The following PAXBP1 variants were observed in gnomAD, a reference collection of about 807,000 sequenced individuals.
The protein encoded by PAXBP1 is PAX3 and PAX7 binding protein 1.
PAXBP1 carries 44 observed loss-of-function variants against 119.9 expected under a neutral mutation model. The ratio of observed to expected loss-of-function variants is 0.37; its 90% CI spans 0.29 to 0.47. The LOEUF (loss-of-function observed/expected upper bound fraction) is 0.47. Ranked by LOEUF, PAXBP1 falls within the 20% of genes least tolerant of loss-of-function variation. PAXBP1 has a pLI of 0.99. For missense variants in PAXBP1, 898 were observed against 1,134.1 expected, an observed-to-expected ratio of 0.79 and a Z score of 2.99; for synonymous variants, 393 against 406.6, an observed-to-expected ratio of 0.97 and a Z score of 0.40.
chr21:32,771,407 C>A lies in PAXBP1; in HGVS notation c.262G>T (p.Gly88Trp). 6.5e-7 allele frequency: 1 copy of A among 1,549,600 alleles called. No individual in the cohort carries two copies. The highest frequency in any genetic ancestry group is 8.6e-7 in the Non-Finnish European group (1 of 1,157,552). ...GFPGGAEPGN[G>W]LKPRKRPREN... is the part of the protein sequence containing the mutation. ...CGAGGCCTCTTGCGCGGCTTCAGCCCGTTGCCGGGCTCCGCGCCGCCGGGG... is the reference window on the plus strand; with the variant it reads ...CGAGGCCTCTTGCGCGGCTTCAGCCAGTTGCCGGGCTCCGCGCCGCCGGGG... Residue 88 changes from glycine (G) to tryptophan (W), a missense_variant, in exon 1 of 18, where the codon GGG becomes TGG. Transcript: ENST00000331923.
chr21:32,742,330 G>A lies in PAXBP1; in HGVS notation c.2334+918C>T, dbSNP rs187374960. The A allele has an allele frequency of 2.6e-5, 4 of 151,900 alleles. No individual in the cohort carries two copies. The East Asian group carries it at 7.7e-4, about 29-fold the overall frequency. 9.4% of individuals were successfully genotyped at this position (151,900 alleles called of 1,614,324 possible). A position where few individuals can be genotyped will look rare whatever the true frequency, so the allele number is the denominator to read the frequency against. On this transcript the variant is annotated intron_variant, in intron 15 of 17. Transcript: ENST00000331923. ...CCAAAGTATTTCAAATGACCTACAA[G>A]ATCCTCTATCATCTGGACTATGGAC...
Position 32,759,158 on chromosome 21 carries a change from C to T in PAXBP1, c.1305G>A (p.Gly435=). The change falls in exon 7 of 18, where the codon GGG becomes GGA. Residue 435 remains glycine, a synonymous_variant. Coordinates refer to ENST00000331923, the MANE Select transcript of PAXBP1 (RefSeq NM_016631.4). ...RAIERLEGSS[G]GIGERYKFLQ... Reference sequence around the variant, plus strand: ...AAAATTTATACCGTTCACCAATACCCCCAGAAGACCCTTCTAATCTTTCAA... The same window carrying T: ...AAAATTTATACCGTTCACCAATACCTCCAGAAGACCCTTCTAATCTTTCAA... 5 of 1,614,080 alleles carry T rather than the reference C, an allele frequency of 3.1e-6. No individual in the cohort carries two copies. Among genetic ancestry groups the T allele is most frequent in the Non-Finnish European group, 4.2e-6 (5 of 1,179,946 alleles).
intron 8 of PAXBP1, 155 bp downstream of exon 8, chr21:32,755,075 G>A: frequency 1.2e-6 from 1 of 823,904 alleles, no homozygotes; most frequent in Non-Finnish European, 1.8e-6. Context: ...TCAAGTACAT[G>A]CTGTTACCAT....
chr21:32,761,517 CA>C (rs1471829965), intron 4 of PAXBP1, among the ~76,000 whole-genome samples: 1 of 152,188 alleles, frequency 6.6e-6, no homozygotes, highest in Non-Finnish European at 1.5e-5. Context: ...AATAAATGTT[CA>C]ATGAACATGA....
At chr21:32,741,321 T>C (rs2043780462) in intron 15 of PAXBP1, 1 of 427,324 alleles carries the variant, frequency 2.3e-6, no homozygotes, top group Non-Finnish European at 4.2e-6. Context: ...TCGCTGAAAA[T>C]TACTGACAAG....
At chr21:32,759,732 ACAGAAAGCTAG>A in intron 6 of PAXBP1, 34 bp downstream of exon 6, 1 of 1,506,456 alleles carries the variant, frequency 6.6e-7, no homozygotes, top group Non-Finnish European at 9.2e-7. Flanking sequence ...GCCTGAGGGA[ACAGAAAGCTAG>A]CGGACAGGTC....
At chr21:32,751,925 A>C (rs562224046) in intron 8 of PAXBP1, 5 of 152,316 alleles carry the variant, frequency 3.3e-5, no homozygotes, top group Admixed American at 2.0e-4. Context: ...TCATATTTTT[A>C]GTTTTCAAGA....
chr21:32,763,520 G>C (rs1477563904), intron 3 of PAXBP1, among the ~76,000 whole-genome samples: 1 of 152,174 alleles, frequency 6.6e-6, no homozygotes, highest in Non-Finnish European at 1.5e-5. Flanking sequence ...AACTTTCTCA[G>C]CCCAGAGTAG....
At chr21:32,752,526 T>C (rs753555721) in intron 8 of PAXBP1, among the ~76,000 whole-genome samples, 2 of 152,210 alleles carry the variant, frequency 1.3e-5, no homozygotes, top group Non-Finnish European at 2.9e-5. Context: ...TACTTATCAA[T>C]TGATATTTAC....
chr21:32,755,430 G>C (rs2044028701), intron 7 of PAXBP1, 77 bp from the exon 8 acceptor site: 29 of 1,553,566 alleles, frequency 1.9e-5, no homozygotes, highest in Non-Finnish European at 2.4e-5. Context: ...ACTATTTCCG[G>C]ATTTCTGAAA....
Position 32,771,289 on chromosome 21 carries a change from T to TGCGGCCGTCTAAGG in PAXBP1, c.343+23_343+36dup, listed in dbSNP as rs545104158. 1.1e-3 allele frequency: 1,628 copies of TGCGGCCGTCTAAGG among 1,531,032 alleles called. 20 individuals carry two copies. The East Asian group carries it at 0.024, about 23-fold the overall frequency. The allele number at this position is 1,531,032 out of a possible 1,614,324, so 94.8% of individuals were successfully genotyped here. A position where few individuals can be genotyped will look rare whatever the true frequency, so the allele number is the denominator to read the frequency against. Reference sequence around the variant, plus strand: ...GGGGGACGGGGGCCTGCGTCGGGGATGCGGCCGTCTAAGGGCGTCCGAAGC... The same window carrying TGCGGCCGTCTAAGG: ...GGGGGACGGGGGCCTGCGTCGGGGATGCGGCCGTCTAAGGGCGGCCGTCTAAGGGCGTCCGAAGC... On this transcript the variant is annotated intron_variant, in intron 1 of 17. Transcript: ENST00000331923.
intron 5 of PAXBP1, 55 bp from the exon 6 acceptor site, chr21:32,760,049 T>A: frequency 1.4e-6 from 2 of 1,399,636 alleles, no homozygotes; most frequent in Non-Finnish European, 2.0e-6. Flanking sequence ...TTGAAAATAA[T>A]AATATGCCTT....
In PAXBP1 at chr21:32,762,196, A is replaced by G; in HGVS notation, c.771T>C (p.Asp257=). 6.2e-7 allele frequency: 1 copy of G among 1,610,274 alleles called. No homozygotes were observed. The highest frequency in any genetic ancestry group is 1.7e-4 in the Middle Eastern group (1 of 6,044). ...EPGKGRLVRE[D]ENDASDDEDD... is the part of the protein sequence containing the mutation. ...CTTCATCATCACTGGCATCATTCTC[A>G]TCTTCTCTAACAAGGCGGCCTTTAC... The change falls in exon 4 of 18, where the codon GAT becomes GAC. Residue 257 remains aspartate (D), a synonymous_variant. Coordinates refer to ENST00000331923, the MANE Select transcript of PAXBP1 (RefSeq NM_016631.4).
rs545410549 is a variant in PAXBP1 at position 32,740,414 on chromosome 21, G to C, written c.2335-2095C>G. 4.6e-5 allele frequency among the ~76,000 whole-genome samples: 7 copies of C among 152,328 alleles called. No homozygotes were observed. The South Asian group carries it at 1.2e-3, about 27-fold the overall frequency. ...CAGAACTTCCTAAGGCTGTGTCACA[G>C]GTGTGTCCTCAATCTTGGCAAAATA... On this transcript the variant is annotated intron_variant, in intron 15 of 17. Coordinates refer to ENST00000331923, the MANE Select transcript of PAXBP1 (RefSeq NM_016631.4).
intron 7 of PAXBP1, chr21:32,756,660 CTCAT>C (rs2044047635): frequency 4.4e-5 from 11 of 250,424 alleles, no homozygotes; most frequent in Middle Eastern, 1.4e-3. Flanking sequence ...TCCCCATGCC[CTCAT>C]TTTTTTTTTT....
At chr21:32,742,676 G>A (rs559217750) in intron 15 of PAXBP1, 34 of 195,832 alleles carry the variant, frequency 1.7e-4, no homozygotes, top group Admixed American at 7.2e-4. Flanking sequence ...AACCTCAGAA[G>A]AGTATCTGCT....
At chr21:32,749,849 T>G (rs76901748) in intron 10 of PAXBP1, among the ~76,000 whole-genome samples, 5,374 of 152,224 alleles carry the variant, frequency 0.035, 98 homozygotes, top group Non-Finnish European at 0.041. Flanking sequence ...CTTCAAAAAT[T>G]TAAAGAACAA....
chr21:32,756,194 C>A (rs2044040020), intron 7 of PAXBP1: 1 of 469,936 alleles, frequency 2.1e-6, no homozygotes, highest in Non-Finnish European at 4.2e-6. Context: ...TTTCTAAATA[C>A]CTTATGTTAT....
At position 32,738,330 on chromosome 21, in the gene PAXBP1, GAA is replaced by G. The variant is rs756990684; in HGVS notation, c.2335-13_2335-12del. 6.4e-7 allele frequency: 1 copy of G among 1,566,520 alleles called. No homozygotes were observed. Among genetic ancestry groups the G allele is most frequent in the Non-Finnish European group, 8.6e-7 (1 of 1,164,274 alleles). On this transcript the variant is annotated splice_polypyrimidine_tract_variant and intron_variant, in intron 15 of 17. Coordinates refer to ENST00000331923, the MANE Select transcript of PAXBP1 (RefSeq NM_016631.4). ...AAAATTGCCTAACAGCTGGAAAGAAGAAAAAAAATAGGTAATGTGAAACAATT... is the reference window on the plus strand; with the variant it reads ...AAAATTGCCTAACAGCTGGAAAGAAGAAAAAATAGGTAATGTGAAACAATT...
Sources: gnomAD v4.1 joint callset for allele counts (sites outside exome capture counted in the v4.1 genomes callset) on GRCh38, gnomAD v4.1.1 for gene constraint, MANE v1.5 for transcripts, NCBI Gene and HGNC (gene_info 2026-07-23, HGNC 2026-07-21) for gene names.